PDCL2: variants seen among roughly 807,000 people sequenced by gnomAD.
PDCL2 encodes the protein phosducin like 2.
In PDCL2, 23 loss-of-function variants were observed where a neutral mutation model predicts 30.3. The observed-to-expected ratio is 0.76, with a 90% confidence interval of 0.55 to 1.08. PDCL2 has a LOEUF of 1.08. Ranked by LOEUF, PDCL2 falls within the 50% of genes least tolerant of loss-of-function variation. The pLI, the probability that PDCL2 is intolerant of heterozygous loss-of-function variation, is 0.00. For missense variants in PDCL2, 243 were observed against 282.3 expected (o/e 0.86, Z 1.00); for synonymous variants, 68 against 86.2 (o/e 0.79, Z 1.17).
In PDCL2 at chr4:55,592,088, A is replaced by C; in HGVS notation, c.6+16T>G. On this transcript the variant is annotated intron_variant, in intron 1 of 5. Coordinates refer to ENST00000295645, the MANE Select transcript of PDCL2 (RefSeq NM_152401.3). Reference sequence around the variant, plus strand: ...ACTGGGTGTTCCAGGGTGGCTCGGCAGGTCCCGACCCTCACCTGCATGATG... The same window carrying C: ...ACTGGGTGTTCCAGGGTGGCTCGGCCGGTCCCGACCCTCACCTGCATGATG... 1.2e-6 allele frequency: 2 copies of C among 1,608,932 alleles called. No homozygotes were observed. The highest frequency in any genetic ancestry group is 1.7e-6 in the Non-Finnish European group (2 of 1,178,302).
At chr4:55,562,649 TG>T in intron 4 of PDCL2, 37 bp from the exon 5 acceptor site, 1 of 1,413,004 alleles carries the variant, frequency 7.1e-7, no homozygotes, top group Non-Finnish European at 9.6e-7. Flanking sequence ...CTTTAATAAA[TG>T]GGCTACTCAT....
intron 1 of PDCL2, among the ~76,000 whole-genome samples, chr4:55,590,653 ATT>A (rs5858337): frequency 0.3 from 44,748 of 146,846 alleles, 7,172 homozygotes; most frequent in East Asian, 0.58. Context: ...TGTCCAGCTA[ATT>A]TTTTTTTTTT....
chr4:55,566,281 C>A (rs1008328863), intron 4 of PDCL2, among the ~76,000 whole-genome samples: 7 of 150,044 alleles, frequency 4.7e-5, no homozygotes, highest in African/African-American at 1.7e-4. Flanking sequence ...CGAGCCTGGC[C>A]AGTAAATCCA....
intron 3 of PDCL2, among the ~76,000 whole-genome samples, chr4:55,572,124 C>T (rs368667411): frequency 2.4e-4 from 37 of 152,188 alleles, no homozygotes; most frequent in African/African-American, 8.7e-4. Flanking sequence ...CAGGGGAGAA[C>T]AGTAAATACA....
intron 3 of PDCL2, among the ~76,000 whole-genome samples, chr4:55,570,123 G>T (rs1732382867): frequency 6.6e-6 from 1 of 152,132 alleles, no homozygotes; most frequent in Non-Finnish European, 1.5e-5. Context: ...TTAAATCATA[G>T]CTATAGAGAG....
chr4:55,590,693 C>T (rs1204807299), intron 1 of PDCL2, among the ~76,000 whole-genome samples: 2 of 151,560 alleles, frequency 1.3e-5, no homozygotes, highest in South Asian at 2.1e-4. Flanking sequence ...TGGGGTTTTG[C>T]CATGTAGGCC....
rs928980358 is a variant in PDCL2, at chr4:55,592,231, T to C, written c.-122A>G. On this transcript the variant is annotated 5_prime_UTR_variant, in exon 1 of 6. Coordinates refer to ENST00000295645, the MANE Select transcript of PDCL2 (RefSeq NM_152401.3). ...CCGCTTCAGGCCCGGCGGTTTCGAGTGACCGCCAGAAGAGGGAGAGGCGAA... is the reference window on the plus strand; with the variant it reads ...CCGCTTCAGGCCCGGCGGTTTCGAGCGACCGCCAGAAGAGGGAGAGGCGAA... 3.5e-6 allele frequency: 5 copies of C among 1,439,816 alleles called. No homozygotes were observed. The highest frequency in any genetic ancestry group is 2.0e-5 in the Admixed American group (1 of 48,996). 89.2% of individuals were successfully genotyped at this position (1,439,816 alleles called of 1,614,324 possible).
chr4:55,581,272 C>G (rs7683997), intron 2 of PDCL2, among the ~76,000 whole-genome samples: 114,741 of 151,916 alleles, frequency 0.76, 43,723 homozygotes, highest in East Asian at 0.9. Flanking sequence ...TCCACCCTGG[C>G]CAACAAAGTT....
chr4:55,583,435 T>C (rs750813665), intron 1 of PDCL2, among the ~76,000 whole-genome samples: 1 of 152,218 alleles, frequency 6.6e-6, no homozygotes, highest in Non-Finnish European at 1.5e-5. Context: ...ATCTTGTCTA[T>C]TTTTGCTTTT....
At chr4:55,565,904 A>G (rs1732250915) in intron 4 of PDCL2, among the ~76,000 whole-genome samples, 1 of 151,130 alleles carries the variant, frequency 6.6e-6, no homozygotes, top group South Asian at 2.1e-4. Flanking sequence ...GTGTGGTTAC[A>G]AAAACATAAA....
chr4:55,574,525 C>G (rs1732511749), intron 3 of PDCL2, among the ~76,000 whole-genome samples: 2 of 152,304 alleles, frequency 1.3e-5, no homozygotes, highest in South Asian at 2.1e-4. Context: ...TGAAACAGCC[C>G]AGGTTCATAG....
intron 1 of PDCL2, among the ~76,000 whole-genome samples, chr4:55,585,287 G>A (rs1732830894): frequency 6.6e-6 from 1 of 152,152 alleles, no homozygotes; most frequent in South Asian, 2.1e-4. Context: ...CAGGACTTTA[G>A]CAGGCCGAGG....
rs576190878 is a variant in PDCL2 at position 55,563,913 on chromosome 4, C to T, written c.363-1301G>A. On this transcript the variant is annotated intron_variant, in intron 4 of 5. Transcript: ENST00000295645. ...AATGTTTCTTTTAGACCTTTCAAGG[C>T]ATCAGATTCTCAGTTAACTTTGGTC... is the stretch of plus-strand genomic sequence containing the variant. 3.9e-5 allele frequency among the ~76,000 whole-genome samples: 6 copies of T among 152,292 alleles called. No homozygotes were observed. In the East Asian group the frequency reaches 1.2e-3, roughly 29 times the overall value.
intron 4 of PDCL2, among the ~76,000 whole-genome samples, chr4:55,565,972 T>TG (rs1447659343): frequency 8.1e-6 from 1 of 123,346 alleles, no homozygotes; most frequent in African/African-American, 3.2e-5. Flanking sequence ...TCCATTTTTC[T>TG]GTTTTTTTTT....
At chr4:55,588,779 A>T (rs962435226) in intron 1 of PDCL2, among the ~76,000 whole-genome samples, 28 of 152,062 alleles carry the variant, frequency 1.8e-4, no homozygotes, top group African/African-American at 6.3e-4. Flanking sequence ...CTTGTTAAAA[A>T]TTTTTTGAAA....
chr4:55,587,134 C>T (rs1329606401), intron 1 of PDCL2, among the ~76,000 whole-genome samples: 2 of 143,580 alleles, frequency 1.4e-5, no homozygotes, highest in African/African-American at 2.6e-5. Flanking sequence ...GGTCTGATCT[C>T]TTCTTTCAAG....
intron 5 of PDCL2, among the ~76,000 whole-genome samples, chr4:55,560,192 G>C (rs116838617): frequency 0.018 from 2,605 of 145,196 alleles, 75 homozygotes; most frequent in African/African-American, 0.061. Flanking sequence ...AAAAAAAAGG[G>C]GGGGGGGACG....
chr4:55,567,387 T>C (rs1732295492), intron 4 of PDCL2, among the ~76,000 whole-genome samples: 1 of 152,022 alleles, frequency 6.6e-6, no homozygotes, highest in South Asian at 2.1e-4. Flanking sequence ...TTTTAAAACC[T>C]GGCCAGATGT....
At chr4:55,589,488 C>G (rs139268514) in intron 1 of PDCL2, among the ~76,000 whole-genome samples, 1 of 152,136 alleles carries the variant, frequency 6.6e-6, no homozygotes, top group Non-Finnish European at 1.5e-5. Context: ...TGTCTTAGGC[C>G]GAAATGTTTT....
Sources: gnomAD v4.1 joint callset for allele counts (sites outside exome capture counted in the v4.1 genomes callset) on GRCh38, gnomAD v4.1.1 for gene constraint, MANE v1.5 for transcripts, NCBI Gene and HGNC (gene_info 2026-07-23, HGNC 2026-07-21) for gene names.